MAP3K20: variants seen among roughly 807,000 people sequenced by gnomAD.
The protein encoded by MAP3K20 is HCCS-4.
In MAP3K20, 40 loss-of-function variants were observed where a neutral mutation model predicts 85.7. That is an observed-to-expected ratio of 0.47 (90% CI 0.36 to 0.61). The LOEUF is 0.61. MAP3K20 is among the 20% of genes least tolerant of loss of function. The pLI is 0.00. For synonymous variants in MAP3K20, 325 were observed against 327.7 expected (o/e 0.99, Z 0.09); for missense variants, 817 against 961.7 (o/e 0.85, Z 1.99).
rs116848688 is a variant in MAP3K20 at position 173,084,827 on chromosome 2, G to A, written c.-34-6171G>A. On this transcript the variant is annotated intron_variant, in intron 1 of 19. Transcript: ENST00000375213. ...ACCATATACTAGGCACTGTGCTCAC[G>A]TATGCACTTTCACAGCACTGGTATT... Among the ~76,000 whole-genome samples, 29 of 152,218 alleles carry A rather than the reference G, an allele frequency of 1.9e-4. No homozygotes were observed. The East Asian group carries it at 4.6e-3, about 24-fold the overall frequency.
At chr2:173,227,257 C>T (rs1277005771) in intron 11 of MAP3K20, 2 of 537,832 alleles carry the variant, frequency 3.7e-6, no homozygotes, top group East Asian at 2.9e-4. Flanking sequence ...GCTTTTCTCT[C>T]CTAAAGTCAG....
chr2:173,223,674 A>T (rs1684311692), intron 11 of MAP3K20: 2 of 985,304 alleles, frequency 2.0e-6, no homozygotes, highest in Non-Finnish European at 2.4e-6. Flanking sequence ...CTGAGGTGAG[A>T]CTAAACACAA....
At chr2:173,246,839 C>A (rs1684927270) in intron 16 of MAP3K20, among the ~76,000 whole-genome samples, 1 of 152,152 alleles carries the variant, frequency 6.6e-6, no homozygotes, top group Non-Finnish European at 1.5e-5. Context: ...CACGCTGCCC[C>A]TCCCAACTCT....
intron 2 of MAP3K20, among the ~76,000 whole-genome samples, chr2:173,105,388 G>A (rs755089932): frequency 9.2e-5 from 14 of 152,192 alleles, no homozygotes; most frequent in South Asian, 2.1e-4. Context: ...AAAGATGTGC[G>A]TGGGCGCAAG....
At chr2:173,105,852 A>G (rs1459648934) in intron 2 of MAP3K20, among the ~76,000 whole-genome samples, 1 of 152,212 alleles carries the variant, frequency 6.6e-6, no homozygotes, top group Admixed American at 6.5e-5. Flanking sequence ...GTTGCACAAC[A>G]GTGTGAGTGT....
intron 3 of MAP3K20, among the ~76,000 whole-genome samples, chr2:173,177,348 T>G (rs1162740025): frequency 6.6e-6 from 1 of 151,658 alleles, no homozygotes; most frequent in Admixed American, 6.6e-5. Context: ...AAAATTGAAA[T>G]TAACAACAAA....
At chr2:173,147,946 A>G (rs927371026) in intron 2 of MAP3K20, among the ~76,000 whole-genome samples, 2 of 152,200 alleles carry the variant, frequency 1.3e-5, no homozygotes, top group Non-Finnish European at 2.9e-5. Context: ...GGCCCCAAAA[A>G]GGATTTTTAA....
chr2:173,252,535 C>A (rs1685062726), intron 16 of MAP3K20, among the ~76,000 whole-genome samples: 1 of 152,218 alleles, frequency 6.6e-6, no homozygotes, highest in Non-Finnish European at 1.5e-5. Context: ...ATTCCCCTCG[C>A]CCCAACAAAA....
chr2:173,086,043 A>G (rs1457113226), intron 1 of MAP3K20, among the ~76,000 whole-genome samples: 1 of 151,920 alleles, frequency 6.6e-6, no homozygotes, highest in Non-Finnish European at 1.5e-5. Flanking sequence ...TGATCCACCC[A>G]TCTCGGCTTC....
At chr2:173,260,575 A>G in intron 17 of MAP3K20, among the ~76,000 whole-genome samples, 1 of 152,196 alleles carries the variant, frequency 6.6e-6, no homozygotes, top group East Asian at 1.9e-4. Flanking sequence ...GTGGGAAAAC[A>G]TAACCATGGT....
At chr2:173,244,987 A>G (rs1019398962) in intron 16 of MAP3K20, among the ~76,000 whole-genome samples, 7 of 152,164 alleles carry the variant, frequency 4.6e-5, no homozygotes, top group Admixed American at 4.6e-4. Context: ...TAGCAGAGGC[A>G]TTTGCTGGAT....
At chr2:173,089,757 TG>T (rs1261289554) in intron 1 of MAP3K20, among the ~76,000 whole-genome samples, 3 of 152,114 alleles carry the variant, frequency 2.0e-5, no homozygotes, top group African/African-American at 7.2e-5. Flanking sequence ...AATTTTTGTA[TG>T]CTTAGGGTTT....
chr2:173,246,100 T>C (rs1684906541), intron 16 of MAP3K20, among the ~76,000 whole-genome samples: 1 of 152,178 alleles, frequency 6.6e-6, no homozygotes, highest in Non-Finnish European at 1.5e-5. Flanking sequence ...ATTTGTGTAA[T>C]TGTTTCAACT....
Position 173,261,062 on chromosome 2 carries a change from G to C in MAP3K20, c.1477-1G>C, listed in dbSNP as rs778517722. On this transcript the variant is annotated splice_acceptor_variant, in intron 17 of 19. Coordinates refer to ENST00000375213, the MANE Select transcript of MAP3K20 (RefSeq NM_016653.3). LOFTEE classifies it high-confidence loss of function. ...ACACCATCCTAACTTTTGTTTTTCA[G>C]CCACCATTTGTAATGGAGAAGTGGA... 6 of 1,613,186 alleles carry C rather than the reference G, an allele frequency of 3.7e-6. No individual in the cohort carries two copies. The highest frequency in any genetic ancestry group is 5.1e-6 in the Non-Finnish European group (6 of 1,179,358).
chr2:173,104,121 T>C (rs1485456322), intron 2 of MAP3K20, among the ~76,000 whole-genome samples: 1 of 152,196 alleles, frequency 6.6e-6, no homozygotes, highest in African/African-American at 2.4e-5. Flanking sequence ...AGTGATTCAT[T>C]TCCAAAGATT....
intron 16 of MAP3K20, among the ~76,000 whole-genome samples, chr2:173,246,848 C>A (rs7559180): frequency 0.16 from 24,542 of 152,152 alleles, 3,221 homozygotes; most frequent in African/African-American, 0.35. Flanking sequence ...CCTCCCAACT[C>A]TCCGAACACG....
At chr2:173,190,127 C>T (rs779340240) in intron 5 of MAP3K20, among the ~76,000 whole-genome samples, 3 of 152,206 alleles carry the variant, frequency 2.0e-5, no homozygotes, top group Non-Finnish European at 4.4e-5. Flanking sequence ...TAGGCTCTCT[C>T]TTCTGCCTAG....
chr2:173,108,423 GC>G (rs1687848063), intron 2 of MAP3K20, among the ~76,000 whole-genome samples: 1 of 152,298 alleles, frequency 6.6e-6, no homozygotes, highest in East Asian at 1.9e-4. Context: ...GAGCCACCGC[GC>G]CCGGCATAAA....
Position 173,266,483 on chromosome 2 carries a change from A to G in MAP3K20, c.2136A>G (p.Gly712=). ...HSTPSRGRYP[G]KFYRVSQSAL... Reference sequence around the variant, plus strand: ...CTCCTTCAAGAGGAAGATACCCTGGAAAGTTCTACAGGGTTTCTCAGTCAG... The same window carrying G: ...CTCCTTCAAGAGGAAGATACCCTGGGAAGTTCTACAGGGTTTCTCAGTCAG... The change falls in exon 20 of 20, where the codon GGA becomes GGG. Residue 712 remains glycine (G), a synonymous_variant. Transcript: ENST00000375213. The G allele has an allele frequency of 3.1e-6, 5 of 1,614,166 alleles. No homozygotes were observed. Among genetic ancestry groups the G allele is most frequent in the Non-Finnish European group, 4.2e-6 (5 of 1,180,036 alleles).
Sources: gnomAD v4.1 joint callset for allele counts (sites outside exome capture counted in the v4.1 genomes callset) on GRCh38, gnomAD v4.1.1 for gene constraint, MANE v1.5 for transcripts, NCBI Gene and HGNC (gene_info 2026-07-23, HGNC 2026-07-21) for gene names.